Variants in ALPL observed in about 807,000 individuals in gnomAD.
The protein encoded by ALPL is alkaline phosphatase, biomineralization associated.
A neutral mutation model predicts 51.3 loss-of-function variants in ALPL; 42 were observed. The observed-to-expected ratio is 0.82, with a 90% CI of 0.64 to 1.06. The LOEUF is 1.06. Ranked by LOEUF, ALPL falls within the 50% of genes least tolerant of loss-of-function variation. ALPL has a pLI of 0.00. For missense variants in ALPL, 589 were observed against 709.4 expected (o/e 0.83, Z 1.93); for synonymous variants, 279 against 296.4 (o/e 0.94, Z 0.60).
rs146412299 is a variant in ALPL at position 21,560,644 on chromosome 1, A to G, written c.80A>G (p.Lys27Arg). The G allele has an allele frequency of 6.2e-7, 1 of 1,613,992 alleles. No individual in the cohort carries two copies. Among genetic ancestry groups the G allele is most frequent in the Non-Finnish European group, 8.5e-7 (1 of 1,180,024 alleles). The change falls in exon 3 of 12, where the codon AAG becomes AGG. Residue 27 changes from lysine to arginine, a missense_variant. Coordinates refer to ENST00000374840, the MANE Select transcript of ALPL (RefSeq NM_000478.6). The stretch of plus-strand genomic sequence containing the variant: ...TGTTTAGAGAAAGAGAAAGACCCCA[A>G]GTACTGGCGAGACCAAGCGCAAGAG... Reference protein sequence around the residue: ...SLVPEKEKDPKYWRDQAQETL... With the variant: ...SLVPEKEKDPRYWRDQAQETL...
intron 1 of ALPL, among the ~76,000 whole-genome samples, chr1:21,510,169 C>A (rs1643654271): frequency 6.6e-6 from 1 of 152,196 alleles, no homozygotes; most frequent in Admixed American, 6.5e-5. Context: ...CCTGCCGCCC[C>A]CTTTAGGCTT....
intron 2 of ALPL, among the ~76,000 whole-genome samples, chr1:21,558,098 A>G (rs1644436926): frequency 1.3e-5 from 2 of 152,260 alleles, no homozygotes; most frequent in South Asian, 4.1e-4. Context: ...GTCCAGAGCC[A>G]TTGTTGCTTA....
At chr1:21,554,235 C>G (rs1644368724) in intron 2 of ALPL, 93 bp downstream of exon 2, 2 of 1,318,120 alleles carry the variant, frequency 1.5e-6, no homozygotes, top group East Asian at 4.6e-5. Flanking sequence ...CAGAACCATC[C>G]AAAGTATTTA....
intron 1 of ALPL, among the ~76,000 whole-genome samples, chr1:21,514,180 G>A (rs1157192168): frequency 6.6e-6 from 1 of 152,150 alleles, no homozygotes; most frequent in Non-Finnish European, 1.5e-5. Flanking sequence ...AAGAGTCTGA[G>A]GGCTCTGGAG....
intron 1 of ALPL, among the ~76,000 whole-genome samples, chr1:21,543,094 C>CGT (rs1308728966): frequency 6.6e-6 from 1 of 151,884 alleles, no homozygotes; most frequent in East Asian, 1.9e-4. Flanking sequence ...GAACTATGAT[C>CGT]GTGCCACTGC....
chr1:21,569,884 G>A (rs376148557), intron 7 of ALPL, among the ~76,000 whole-genome samples: 30 of 152,194 alleles, frequency 2.0e-4, no homozygotes, highest in East Asian at 1.7e-3. Flanking sequence ...GGCCCTCCAC[G>A]GCCTCCAGAA....
chr1:21,522,320 C>T lies in ALPL; in HGVS notation c.-105+12803C>T, dbSNP rs374134427. On this transcript the variant is annotated intron_variant, in intron 1 of 11. Transcript: ENST00000374840. ...CCATCTCCTGACTTCATGATCCGCC[C>T]GCCTTGGCCTCCCAAAGTGCTGGGA... Among the ~76,000 whole-genome samples the T allele has an allele frequency of 1.1e-4, 16 of 152,228 alleles. No individual in the cohort carries two copies. In the East Asian group the frequency reaches 1.2e-3, roughly 11 times the overall value.
intron 1 of ALPL, among the ~76,000 whole-genome samples, chr1:21,514,575 G>A (rs1217613567): frequency 6.6e-6 from 1 of 152,194 alleles, no homozygotes; most frequent in Non-Finnish European, 1.5e-5. Context: ...GGTAGCACAG[G>A]AGGCTGTGAA....
intron 8 of ALPL, among the ~76,000 whole-genome samples, chr1:21,571,351 T>C (rs1194682501): frequency 6.6e-6 from 1 of 152,204 alleles, no homozygotes; most frequent in Non-Finnish European, 1.5e-5. Flanking sequence ...AGTTATCTGT[T>C]GCTGTATAAC....
At chr1:21,516,073 T>A (rs1177015031) in intron 1 of ALPL, among the ~76,000 whole-genome samples, 5 of 151,920 alleles carry the variant, frequency 3.3e-5, no homozygotes, top group African/African-American at 1.2e-4. Flanking sequence ...AGAGATGAGG[T>A]CTTGCAATGT....
intron 1 of ALPL, among the ~76,000 whole-genome samples, chr1:21,529,673 C>T (rs1286460116): frequency 1.3e-5 from 2 of 152,114 alleles, no homozygotes; most frequent in Non-Finnish European, 2.9e-5. Flanking sequence ...AGAGTGTTTC[C>T]ACTGGGGTCT....
rs1226477972 is a variant in ALPL, at chr1:21,577,789, C to A, written c.*141C>A. 3 of 1,126,298 alleles carry A rather than the reference C, an allele frequency of 2.7e-6. No homozygotes were observed. The highest frequency in any genetic ancestry group is 1.6e-5 in the African/African-American group (1 of 63,924). The allele number at this position is 1,126,298 out of a possible 1,614,324, so 69.8% of individuals were successfully genotyped here. ...AGGGGACCCAAGAAACCAAAGTCTG[C>A]CGCCCACCTCGCTCCCCTCTGGAAT... On this transcript the variant is annotated 3_prime_UTR_variant, in exon 12 of 12. Coordinates refer to ENST00000374840, the MANE Select transcript of ALPL (RefSeq NM_000478.6).
chr1:21,543,333 A>G (rs551833836), intron 1 of ALPL, among the ~76,000 whole-genome samples: 5 of 152,068 alleles, frequency 3.3e-5, no homozygotes, highest in African/African-American at 9.6e-5. Context: ...TTGAAATCTC[A>G]TCAGCTCCTC....
intron 1 of ALPL, among the ~76,000 whole-genome samples, chr1:21,552,053 A>G (rs1644333078): frequency 7.8e-6 from 1 of 128,490 alleles, no homozygotes; most frequent in African/African-American, 2.9e-5. Context: ...TTGAATCAAG[A>G]TCCTTCTTCT....
chr1:21,571,140 C>G (rs766423731), intron 8 of ALPL, among the ~76,000 whole-genome samples: 1 of 152,192 alleles, frequency 6.6e-6, no homozygotes, highest in Non-Finnish European at 1.5e-5. Context: ...GCTCATGGAT[C>G]TTAGAGCCAG....
At chr1:21,561,329 C>T (rs572650460) in intron 4 of ALPL, 117 bp downstream of exon 4, 2 of 828,734 alleles carry the variant, frequency 2.4e-6, no homozygotes, top group African/African-American at 3.4e-5. Flanking sequence ...ATGCCCAAGC[C>T]CACTCCCCAC....
intron 1 of ALPL, among the ~76,000 whole-genome samples, chr1:21,534,635 A>G (rs185021934): frequency 5.9e-5 from 9 of 152,032 alleles, no homozygotes; most frequent in Non-Finnish European, 5.9e-5. Context: ...ACCCTGGTGT[A>G]CTCTTGAGGG....
intron 1 of ALPL, among the ~76,000 whole-genome samples, chr1:21,548,889 T>C (rs1027241770): frequency 6.6e-6 from 1 of 152,184 alleles, no homozygotes; most frequent in Non-Finnish European, 1.5e-5. Flanking sequence ...TGCACTTACA[T>C]ACACTGCGTT....
At chr1:21,569,174 C>A (rs1034722162) in intron 7 of ALPL, among the ~76,000 whole-genome samples, 11 of 152,110 alleles carry the variant, frequency 7.2e-5, no homozygotes, top group African/African-American at 1.7e-4. Flanking sequence ...CCCTTTCCAT[C>A]CCTTCTGAGT....
Sources: gnomAD v4.1 joint callset for allele counts (sites outside exome capture counted in the v4.1 genomes callset) on GRCh38, gnomAD v4.1.1 for gene constraint, MANE v1.5 for transcripts, NCBI Gene and HGNC (gene_info 2026-07-23, HGNC 2026-07-21) for gene names.